The following FGF13 variants were observed in gnomAD, a reference collection of about 807,000 sequenced individuals.
FGF13 encodes fibroblast growth factor homologous factor 2.
FGF13 carries 2 observed loss-of-function variants against 19.5 expected under a neutral mutation model. The ratio of observed to expected loss-of-function variants is 0.10; its 90% CI spans 0.04 to 0.32. The LOEUF is 0.32. Among genes scored for constraint, FGF13 ranks in the 10% least tolerant of loss-of-function variants. The probability of loss-of-function intolerance (pLI) is 1.00; values close to 1 mark genes in which losing one functional copy is unlikely to be tolerated. For missense variants in FGF13, 113 were observed against 192.7 expected, an observed-to-expected ratio of 0.59 and a Z score of 2.45; for synonymous variants, 72 against 76.9, an observed-to-expected ratio of 0.94 and a Z score of 0.33.
At chrX:138,862,965 C>T (rs1233016866) in intron 2 of FGF13, among the ~76,000 whole-genome samples, 1 of 110,504 alleles carries the variant, frequency 9.0e-6, no homozygotes, top group Non-Finnish European at 1.9e-5. Context: ...GGCCCCTCAC[C>T]TCCTCAATTT....
At chrX:139,063,795 G>A (rs1157958771) in intron 1 of FGF13, among the ~76,000 whole-genome samples, 2 of 111,431 alleles carry the variant, frequency 1.8e-5, no homozygotes, top group Non-Finnish European at 3.8e-5. Flanking sequence ...TTCCCTATTT[G>A]TTAGAAAAGA....
chrX:138,771,941 T>C (rs1007479221), intron 3 of FGF13, among the ~76,000 whole-genome samples: 3 of 103,984 alleles, frequency 2.9e-5, no homozygotes, highest in Non-Finnish European at 3.9e-5. Context: ...AATGAAGTTT[T>C]TAAAATATTA....
At chrX:138,979,532 C>CT (rs1282833364) in intron 1 of FGF13, among the ~76,000 whole-genome samples, 7 of 108,299 alleles carry the variant, frequency 6.5e-5, no homozygotes, top group Non-Finnish European at 1.2e-4. Context: ...TTGTATATTC[C>CT]TTTTTTTTTC....
intron 1 of FGF13, among the ~76,000 whole-genome samples, chrX:139,159,174 C>G (rs2084006514): frequency 8.9e-6 from 1 of 112,027 alleles, no homozygotes; most frequent in Non-Finnish European, 1.9e-5. Context: ...GGCCAATATT[C>G]AACATTCTTA....
chrX:138,788,974 C>T lies in FGF13; in HGVS notation c.217+68538G>A, dbSNP rs188110282. 5.7e-3 allele frequency among the ~76,000 whole-genome samples: 632 copies of T among 111,426 alleles called. 3 individuals carry two copies. Among genetic ancestry groups the T allele is most frequent in the African/African-American group, 0.019 (583 of 30,639 alleles). On this transcript the variant is annotated intron_variant, in intron 3 of 6. Transcript: ENST00000436198. ...GCTCAGCTAAATAAATATCCAATTTCATCACAAGTTCCACCTTCCACAAAA... is the reference window on the plus strand; with the variant it reads ...GCTCAGCTAAATAAATATCCAATTTTATCACAAGTTCCACCTTCCACAAAA...
intron 1 of FGF13, among the ~76,000 whole-genome samples, chrX:138,921,328 A>G (rs1271033344): frequency 3.6e-5 from 4 of 112,149 alleles, no homozygotes; most frequent in South Asian, 3.7e-4. Context: ...TGTGAACTCC[A>G]AAGTGTGTAA....
At chrX:138,638,772 T>G (rs2089212743) in intron 3 of FGF13, among the ~76,000 whole-genome samples, 1 of 112,076 alleles carries the variant, frequency 8.9e-6, no homozygotes, top group Non-Finnish European at 1.9e-5. Flanking sequence ...GTATGTAAAA[T>G]GAGGCTGTCA....
chrX:138,658,632 C>A (rs746796227), intron 3 of FGF13, among the ~76,000 whole-genome samples: 2 of 111,465 alleles, frequency 1.8e-5, no homozygotes, highest in Non-Finnish European at 3.8e-5. Flanking sequence ...AGGTCAAGAC[C>A]AGTTACATTC....
chrX:139,177,658 C>T (rs1021343970), intron 1 of FGF13, among the ~76,000 whole-genome samples: 1 of 111,397 alleles, frequency 9.0e-6, no homozygotes, highest in African/African-American at 3.3e-5. Context: ...TCTTAGCTTG[C>T]GGGGCTCCAT....
At chrX:138,784,994 G>T (rs1014067611) in intron 3 of FGF13, among the ~76,000 whole-genome samples, 1 of 112,000 alleles carries the variant, frequency 8.9e-6, no homozygotes, top group Non-Finnish European at 1.9e-5. Context: ...CCTCTGTGTT[G>T]CCTGAACAGT....
chrX:138,794,625 G>A (rs1461847812), intron 3 of FGF13, among the ~76,000 whole-genome samples: 2 of 111,955 alleles, frequency 1.8e-5, no homozygotes, highest in Non-Finnish European at 3.8e-5. Flanking sequence ...TCTGACAAGT[G>A]AGAAAATACC....
chrX:139,194,102 T>C (rs994954443), intron 1 of FGF13, among the ~76,000 whole-genome samples: 1 of 111,936 alleles, frequency 8.9e-6, no homozygotes, highest in Non-Finnish European at 1.9e-5. Context: ...CATCTCTCCT[T>C]GGTTACCCCT....
intron 1 of FGF13, among the ~76,000 whole-genome samples, chrX:139,187,249 A>G (rs1158819923): frequency 1.8e-5 from 2 of 112,911 alleles, no homozygotes; most frequent in Non-Finnish European, 3.7e-5. Flanking sequence ...AGTCAACATG[A>G]GTGATATAGT....
chrX:139,067,329 G>C (rs1431592028), intron 1 of FGF13, among the ~76,000 whole-genome samples: 1 of 111,741 alleles, frequency 8.9e-6, no homozygotes, highest in Non-Finnish European at 1.9e-5. Context: ...ATTAGGAAAA[G>C]AGGAAGTCAA....
At chrX:138,775,380 T>C (rs1444430482) in intron 3 of FGF13, among the ~76,000 whole-genome samples, 3 of 112,329 alleles carry the variant, frequency 2.7e-5, no homozygotes, top group Non-Finnish European at 3.8e-5. Context: ...AAGTTCATAG[T>C]TCTTGATTTC....
chrX:139,150,769 T>C (rs2148246953), intron 1 of FGF13, among the ~76,000 whole-genome samples: 1 of 111,913 alleles, frequency 8.9e-6, no homozygotes, highest in South Asian at 3.8e-4. Flanking sequence ...CTACTCATTG[T>C]ATGATAAGCA....
At chrX:138,952,755 C>A (rs1214818120) in intron 1 of FGF13, among the ~76,000 whole-genome samples, 30 of 111,360 alleles carry the variant, frequency 2.7e-4, no homozygotes, top group Middle Eastern at 4.6e-3. Flanking sequence ...ACCCCATCAA[C>A]AAGTGGGCGA....
chrX:138,993,377 A>G (rs918771576), intron 1 of FGF13, among the ~76,000 whole-genome samples: 3 of 112,113 alleles, frequency 2.7e-5, no homozygotes, highest in African/African-American at 9.7e-5. Context: ...TATGCAGAAA[A>G]TCTGTACTGA....
intron 3 of FGF13, among the ~76,000 whole-genome samples, chrX:138,787,780 A>C (rs894859270): frequency 2.8e-5 from 3 of 107,918 alleles, no homozygotes; most frequent in African/African-American, 6.8e-5. Context: ...TCATTGTTCA[A>C]CTCCCACTTA....
Sources: allele counts gnomAD v4.1 joint callset (sites outside exome capture counted in the v4.1 genomes callset), GRCh38; gene constraint gnomAD v4.1.1; transcripts MANE v1.5; gene names NCBI Gene and HGNC (gene_info 2026-07-23, HGNC 2026-07-21).